The following TCAIM variants were observed in gnomAD, a reference collection of about 807,000 sequenced individuals.
The protein encoded by TCAIM is T-cell activation inhibitor, mitochondrial.
TCAIM carries 36 observed loss-of-function variants against 58.6 expected under a neutral mutation model. The ratio of observed to expected loss-of-function variants is 0.61; its 90% CI spans 0.47 to 0.81. TCAIM has a LOEUF of 0.81. Ranked by LOEUF, TCAIM falls within the 30% of genes least tolerant of loss-of-function variation. The pLI, the probability that TCAIM is intolerant of heterozygous loss-of-function variation, is 0.00. For synonymous variants in TCAIM, 172 were observed against 193.6 expected, an observed-to-expected ratio of 0.89 and a Z score of 0.93; for missense variants, 466 against 579.6, an observed-to-expected ratio of 0.80 and a Z score of 2.01.
chr3:44,400,933 T>C, intron 9 of TCAIM: 1 of 489,388 alleles, frequency 2.0e-6, no homozygotes, highest in Non-Finnish European at 3.7e-6. Context: ...TTATATGCAT[T>C]CTGTCTTTAG....
chr3:44,358,438 A>T, intron 3 of TCAIM: 1 of 572,514 alleles, frequency 1.7e-6, no homozygotes, highest in East Asian at 3.3e-5. Flanking sequence ...GATTCAACCA[A>T]CCTCAGACTG....
In TCAIM at chr3:44,407,806, A is replaced by G; in HGVS notation, c.*124A>G. ...ACAAAGTTTCTAACTGCTGCTTTAA[A>G]AGTAGACTTTTTTAAAAAAATTAAT... On this transcript the variant is annotated 3_prime_UTR_variant, in exon 11 of 11. Coordinates refer to ENST00000342649, the MANE Select transcript of TCAIM (RefSeq NM_173826.4). 1 of 1,089,330 alleles carries G rather than the reference A, an allele frequency of 9.2e-7. No homozygotes were observed. The highest frequency in any genetic ancestry group is 2.9e-5 in the East Asian group (1 of 34,664). The allele number at this position is 1,089,330 out of a possible 1,614,324, so 67.5% of individuals were successfully genotyped here.
chr3:44,401,286 T>C lies in TCAIM; in HGVS notation c.1202T>C (p.Ile401Thr), dbSNP rs761707245. The change falls in exon 10 of 11, where the codon ATT (isoleucine) becomes ACT (threonine). Residue 401 changes from isoleucine (I) to threonine (T), a missense_variant. Coordinates refer to ENST00000342649, the MANE Select transcript of TCAIM (RefSeq NM_173826.4). ...GATCCAGCAAATCTCCAGTGGTTTATTCTCACCAAAGCTCAGCAGGCAAGA... is the reference window on the plus strand; with the variant it reads ...GATCCAGCAAATCTCCAGTGGTTTACTCTCACCAAAGCTCAGCAGGCAAGA... ...LCDPANLQWF[I>T]LTKAQQAREN... The C allele has an allele frequency of 6.2e-7, 1 of 1,614,100 alleles. No individual in the cohort carries two copies. Among genetic ancestry groups the C allele is most frequent in the Non-Finnish European group, 8.5e-7 (1 of 1,180,000 alleles).
At chr3:44,391,665 G>A (rs746097117) in intron 5 of TCAIM, among the ~76,000 whole-genome samples, 1 of 152,198 alleles carries the variant, frequency 6.6e-6, no homozygotes, top group African/African-American at 2.4e-5. Flanking sequence ...CTGAGCACCA[G>A]GGTAGTGAAG....
In TCAIM at chr3:44,407,680, TA is replaced by T. The variant is rs750794679; in HGVS notation, c.1491del (p.Ter497TyrfsTer16). On this transcript the variant is annotated frameshift_variant and stop_lost, in exon 11 of 11. Transcript: ENST00000342649. LOFTEE classifies it high-confidence loss of function. ...TTGGAAGAATGGAGAAGCCATTAAG[TA>T]ACACAGAAATCTGTTTTATTTTTTT... is the stretch of plus-strand genomic sequence containing the variant. ...WNWKNGEAIK[*>X] 2 of 1,581,884 alleles carry T rather than the reference TA, an allele frequency of 1.3e-6. No homozygotes were observed. Among genetic ancestry groups the T allele is most frequent in the Non-Finnish European group, 1.7e-6 (2 of 1,169,008 alleles).
At chr3:44,403,420 C>T (rs145256256) in intron 10 of TCAIM, among the ~76,000 whole-genome samples, 19 of 152,300 alleles carry the variant, frequency 1.2e-4, no homozygotes, top group African/African-American at 3.8e-4. Flanking sequence ...GATGACAACT[C>T]GGTAGGCCAG....
chr3:44,371,613 C>A (rs1483736657), intron 5 of TCAIM, among the ~76,000 whole-genome samples: 2 of 152,134 alleles, frequency 1.3e-5, no homozygotes, highest in Non-Finnish European at 2.9e-5. Context: ...CATTATAATA[C>A]CTGTACTCAT....
intron 3 of TCAIM, among the ~76,000 whole-genome samples, chr3:44,360,244 C>T (rs934087254): frequency 7.9e-5 from 12 of 151,852 alleles, no homozygotes; most frequent in African/African-American, 2.9e-4. Flanking sequence ...TTTTTCTCCC[C>T]TCACTAAAAT....
intron 10 of TCAIM, among the ~76,000 whole-genome samples, chr3:44,404,441 C>T (rs1702069009): frequency 6.6e-6 from 1 of 152,114 alleles, no homozygotes; most frequent in Non-Finnish European, 1.5e-5. Flanking sequence ...CACCTGCTTC[C>T]TTAGCCTTTT....
intron 10 of TCAIM, among the ~76,000 whole-genome samples, chr3:44,403,255 C>T (rs76630146): frequency 0.021 from 3,250 of 152,100 alleles, 62 homozygotes; most frequent in African/African-American, 0.052. Context: ...GGCAACAGAG[C>T]GAGACTCCGT....
chr3:44,358,461 GA>G (rs949186387), intron 3 of TCAIM: 8 of 547,186 alleles, frequency 1.5e-5, no homozygotes, highest in South Asian at 2.6e-5. Context: ...AATATTAGGG[GA>G]AAAAAATACA....
intron 1 of TCAIM, among the ~76,000 whole-genome samples, chr3:44,345,596 G>A (rs1480391490): frequency 1.3e-5 from 2 of 152,126 alleles, no homozygotes; most frequent in African/African-American, 4.8e-5. Context: ...TACAAAGCCA[G>A]CAATTGTTTG....
At chr3:44,405,266 T>C (rs1221603934) in intron 10 of TCAIM, among the ~76,000 whole-genome samples, 1 of 152,222 alleles carries the variant, frequency 6.6e-6, no homozygotes, top group Non-Finnish European at 1.5e-5. Context: ...TGTTTCCTTT[T>C]ACTCTATATC....
At chr3:44,359,115 T>C (rs1701253395) in intron 3 of TCAIM, 1 of 979,092 alleles carries the variant, frequency 1.0e-6, no homozygotes, top group African/African-American at 1.7e-5. Context: ...CAGCAGGGCA[T>C]GGTGGCACAC....
intron 10 of TCAIM, among the ~76,000 whole-genome samples, chr3:44,404,344 G>C (rs1354172270): frequency 6.6e-6 from 1 of 152,170 alleles, no homozygotes; most frequent in Non-Finnish European, 1.5e-5. Flanking sequence ...ACTGAGGGAA[G>C]ACTTCAGTCT....
chr3:44,402,382 C>T (rs1452124480), intron 10 of TCAIM, among the ~76,000 whole-genome samples: 1 of 152,058 alleles, frequency 6.6e-6, no homozygotes, highest in Non-Finnish European at 1.5e-5. Context: ...TGTACTCCAG[C>T]CTGGGTGACA....
At chr3:44,386,423 G>A (rs1701743495) in intron 5 of TCAIM, among the ~76,000 whole-genome samples, 3 of 152,196 alleles carry the variant, frequency 2.0e-5, no homozygotes, top group Admixed American at 2.0e-4. Context: ...TACAGAGCTG[G>A]TGTGGGCTGG....
At chr3:44,350,137 G>A (rs755113853) in intron 1 of TCAIM, among the ~76,000 whole-genome samples, 16 of 152,166 alleles carry the variant, frequency 1.1e-4, no homozygotes, top group Non-Finnish European at 1.2e-4. Context: ...GTCAGCAAAG[G>A]GAGTTAGGGG....
chr3:44,354,054 A>C (rs929403747), intron 1 of TCAIM, among the ~76,000 whole-genome samples: 2 of 152,120 alleles, frequency 1.3e-5, no homozygotes, highest in Admixed American at 1.3e-4. Context: ...ATAGCATTTT[A>C]TATTTAGGTC....
Sources: gnomAD v4.1 joint callset for allele counts (sites outside exome capture counted in the v4.1 genomes callset) on GRCh38, gnomAD v4.1.1 for gene constraint, MANE v1.5 for transcripts, NCBI Gene and HGNC (gene_info 2026-07-23, HGNC 2026-07-21) for gene names.